The following ELF1 variants were observed in gnomAD, a reference collection of about 807,000 sequenced individuals.
The protein encoded by ELF1 is E74 like ETS transcription factor 1.
ELF1 carries 24 observed loss-of-function variants against 59.9 expected under a neutral mutation model. The ratio of observed to expected loss-of-function variants is 0.40; its 90% CI spans 0.29 to 0.56. The LOEUF (loss-of-function observed/expected upper bound fraction) is 0.56. Among genes scored for constraint, ELF1 ranks in the 20% least tolerant of loss-of-function variants. The pLI is 0.44. For missense variants in ELF1, 627 were observed against 742.2 expected, an observed-to-expected ratio of 0.84 and a Z score of 1.80; for synonymous variants, 248 against 266.2, an observed-to-expected ratio of 0.93 and a Z score of 0.67.
At chr13:41,045,756 G>A (rs1350811859) in intron 1 of ELF1, among the ~76,000 whole-genome samples, 1 of 152,216 alleles carries the variant, frequency 6.6e-6, no homozygotes, top group Non-Finnish European at 1.5e-5. Flanking sequence ...TGTATATTCT[G>A]TTGATTTGGG....
chr13:41,022,741 T>C (rs1437856746), upstream of ELF1, among the ~76,000 whole-genome samples: 3 of 152,236 alleles, frequency 2.0e-5, no homozygotes, highest in African/African-American at 7.2e-5. Context: ...TAGCCAGGTG[T>C]GGTGGCAGAC....
chr13:40,984,637 A>G (rs9566642), intron 1 of ELF1, among the ~76,000 whole-genome samples: 28,044 of 152,176 alleles, frequency 0.18, 2,761 homozygotes, highest in East Asian at 0.26. Context: ...AATAACTGAT[A>G]TACTTCTGAT....
intron 1 of ELF1, among the ~76,000 whole-genome samples, chr13:41,048,468 G>C (rs945305405): frequency 2.0e-5 from 3 of 152,144 alleles, no homozygotes; most frequent in African/African-American, 7.2e-5. Flanking sequence ...ACTCAGGCTG[G>C]AGTGCAGTGG....
intron 1 of ELF1, among the ~76,000 whole-genome samples, chr13:40,988,941 G>A (rs1292716433): frequency 6.6e-6 from 1 of 152,098 alleles, no homozygotes; most frequent in African/African-American, 2.4e-5. Context: ...GGGACTACAG[G>A]TGTGCACCAC....
intron 5 of ELF1, 75 bp from the exon 6 acceptor site, chr13:40,944,000 GT>G: frequency 7.0e-7 from 1 of 1,418,684 alleles, no homozygotes; most frequent in South Asian, 1.2e-5. Flanking sequence ...CTATTTTGTC[GT>G]TTACCCTAAA....
At chr13:40,943,788 G>A (rs1316431265) in intron 6 of ELF1, 54 bp downstream of exon 6, 2 of 1,445,158 alleles carry the variant, frequency 1.4e-6, no homozygotes, top group East Asian at 2.4e-5. Context: ...TAATAGGTAG[G>A]CACTATAAAG....
Position 40,953,757 on chromosome 13 carries a change from T to G in ELF1, c.254-2321A>C, listed in dbSNP as rs9562249. On this transcript the variant is annotated intron_variant, in intron 3 of 8. Coordinates refer to ENST00000239882, the MANE Select transcript of ELF1 (RefSeq NM_172373.4). ...CTCAAAGGCTCCCCGTCACCCCCAC[T>G]GTGGAATAACGAAGATTACAAGGTT... Among the ~76,000 whole-genome samples, 495 of 152,298 alleles carry G rather than the reference T, an allele frequency of 3.3e-3. 11 individuals carry two copies. In the East Asian group the frequency reaches 0.066, roughly 20 times the overall value.
intron 8 of ELF1, among the ~76,000 whole-genome samples, chr13:40,937,423 ATAAT>A (rs1869854260): frequency 6.6e-6 from 1 of 152,218 alleles, no homozygotes; most frequent in African/African-American, 2.4e-5. Context: ...CAGACTCAAA[ATAAT>A]TAACGTGATT....
intron 1 of ELF1, among the ~76,000 whole-genome samples, chr13:40,996,611 T>C (rs1874139225): frequency 6.6e-6 from 1 of 152,104 alleles, no homozygotes; most frequent in Non-Finnish European, 1.5e-5. Context: ...AGTGACAAAG[T>C]GTCAGTGTAG....
At chr13:41,011,429 C>T (rs966475772) in intron 1 of ELF1, among the ~76,000 whole-genome samples, 5 of 152,228 alleles carry the variant, frequency 3.3e-5, no homozygotes, top group Admixed American at 6.5e-5. Flanking sequence ...TACCCAATCC[C>T]TCTTGCTGAA....
rs1404452405 is a variant in ELF1, at chr13:40,943,061, G to A, written c.697C>T (p.Arg233Ter). ...ACCAATTTAAAAATGCCTTTCTCTC[G>A]CTGGGTCCACTTGATGTATTTAGGA... ...TCPKYIKWTQ[R>*]EKGIFKLVDS... is the part of the protein sequence containing the mutation. Residue 233 changes from arginine to a stop codon, truncating the protein, a stop_gained, in exon 7 of 9, where the codon CGA becomes TGA. Coordinates refer to ENST00000239882, the MANE Select transcript of ELF1 (RefSeq NM_172373.4). LOFTEE classifies it high-confidence loss of function. The A allele has an allele frequency of 6.2e-7, 1 of 1,612,644 alleles. No individual in the cohort carries two copies. The highest frequency in any genetic ancestry group is 8.5e-7 in the Non-Finnish European group (1 of 1,179,192).
intron 2 of ELF1, among the ~76,000 whole-genome samples, chr13:40,970,538 G>A (rs1159132088): frequency 4.6e-5 from 7 of 152,210 alleles, no homozygotes; most frequent in Admixed American, 3.3e-4. Context: ...TCTTTACATT[G>A]TATTCAAGAC....
At chr13:41,050,870 T>G (rs773751232) in intron 1 of ELF1, among the ~76,000 whole-genome samples, 2 of 152,196 alleles carry the variant, frequency 1.3e-5, no homozygotes, top group Non-Finnish European at 2.9e-5. Context: ...TTTTAGAAAG[T>G]GCCATCCTGT....
At chr13:40,962,217 C>T (rs1871869664) in intron 2 of ELF1, among the ~76,000 whole-genome samples, 1 of 152,132 alleles carries the variant, frequency 6.6e-6, no homozygotes, top group African/African-American at 2.4e-5. Flanking sequence ...TACAGTCAGG[C>T]ATACTCCAAA....
intron 1 of ELF1, among the ~76,000 whole-genome samples, chr13:41,000,904 G>A (rs560467750): frequency 7.9e-5 from 12 of 151,534 alleles, no homozygotes; most frequent in South Asian, 4.2e-4. Context: ...TAGATACAAC[G>A]CAAAGAAATC....
At chr13:40,988,337 G>A (rs1176870555) in intron 1 of ELF1, among the ~76,000 whole-genome samples, 2 of 152,158 alleles carry the variant, frequency 1.3e-5, no homozygotes, top group African/African-American at 4.8e-5. Context: ...CCAGTTAGTG[G>A]CAAAGAAAGC....
intron 1 of ELF1, among the ~76,000 whole-genome samples, chr13:40,987,584 CAAAAAA>C (rs374604821): frequency 1.0e-4 from 7 of 68,408 alleles, no homozygotes; most frequent in East Asian, 3.1e-4. Context: ...GACTCTGTCT[CAAAAAA>C]AAAAAAAAAA....
At chr13:40,953,647 C>A (rs976460013) in intron 3 of ELF1, among the ~76,000 whole-genome samples, 2 of 152,172 alleles carry the variant, frequency 1.3e-5, no homozygotes, top group Non-Finnish European at 2.9e-5. Flanking sequence ...GCAGTCCTAG[C>A]AAACTAACAC....
At chr13:40,959,376 G>A (rs941597910) in intron 2 of ELF1, among the ~76,000 whole-genome samples, 1 of 151,942 alleles carries the variant, frequency 6.6e-6, no homozygotes, top group East Asian at 1.9e-4. Context: ...TGCACCTGTA[G>A]TCTCAGCTAC....
Sources: allele counts gnomAD v4.1 joint callset (sites outside exome capture counted in the v4.1 genomes callset), GRCh38; gene constraint gnomAD v4.1.1; transcripts MANE v1.5; gene names NCBI Gene and HGNC (gene_info 2026-07-23, HGNC 2026-07-21).